POC5: variants seen among roughly 807,000 people sequenced by gnomAD.
POC5 encodes POC5 centriolar protein.
In POC5, 48 loss-of-function variants were observed where a neutral mutation model predicts 62.9. The ratio of observed to expected loss-of-function variants is 0.76; its 90% CI spans 0.61 to 0.97. The LOEUF is 0.97. POC5 is among the 50% of genes least tolerant of loss of function. The pLI is 0.00. For missense variants in POC5, 696 were observed against 679.5 expected (o/e 1.02, Z -0.27); for synonymous variants, 236 against 228.2 (o/e 1.03, Z -0.31).
chr5:75,707,475 A>G (rs778066888), intron 3 of POC5: 3 of 307,460 alleles, frequency 9.8e-6, no homozygotes, highest in African/African-American at 2.1e-5. Flanking sequence ...CCAAAAAGCC[A>G]TGCAGTTGCC....
intron 5 of POC5, among the ~76,000 whole-genome samples, chr5:75,697,459 C>T (rs1157400554): frequency 6.6e-6 from 1 of 151,952 alleles, no homozygotes; most frequent in South Asian, 2.1e-4. Context: ...CCAAACTAAG[C>T]TTCATAAGTG....
chr5:75,681,235 G>A (rs1379262406), intron 10 of POC5, among the ~76,000 whole-genome samples: 1 of 152,116 alleles, frequency 6.6e-6, no homozygotes, highest in Non-Finnish European at 1.5e-5. Flanking sequence ...CCTTAGGCAA[G>A]TTGCATACTC....
chr5:75,713,032 G>A lies in POC5; in HGVS notation c.-14-81C>T, dbSNP rs1236895442. On this transcript the variant is annotated intron_variant, in intron 1 of 11. Coordinates refer to ENST00000428202, the MANE Select transcript of POC5 (RefSeq NM_001099271.2). ...TTTCCAGATATATATAAGTGCAACA[G>A]TATCCAAATCTGCAATCTTCCTGTG... 17 of 980,324 alleles carry A rather than the reference G, an allele frequency of 1.7e-5. No individual in the cohort carries two copies. The Admixed American group carries it at 3.3e-4, about 19-fold the overall frequency. 60.7% of individuals were successfully genotyped at this position (980,324 alleles called of 1,614,324 possible).
intron 5 of POC5, among the ~76,000 whole-genome samples, chr5:75,699,966 T>C (rs1412715541): frequency 2.5e-4 from 38 of 152,108 alleles, no homozygotes; most frequent in African/African-American, 3.4e-4. Flanking sequence ...CTCCCATTCA[T>C]AATTGCTTCA....
chr5:75,716,174 G>C (rs1455184960), intron 1 of POC5, among the ~76,000 whole-genome samples: 1 of 152,128 alleles, frequency 6.6e-6, no homozygotes, highest in Non-Finnish European at 1.5e-5. Flanking sequence ...TTTCCAGTGA[G>C]TATCACTGTG....
At chr5:75,681,836 T>C (rs253390) in intron 10 of POC5, among the ~76,000 whole-genome samples, 107,232 of 151,970 alleles carry the variant, frequency 0.71, 37,976 homozygotes, top group East Asian at 0.87. Context: ...CAAGCCAGGA[T>C]TGCAAATCTC....
chr5:75,699,728 C>A (rs1323414947), intron 5 of POC5, among the ~76,000 whole-genome samples: 9 of 145,942 alleles, frequency 6.2e-5, no homozygotes, highest in South Asian at 2.4e-4. Context: ...GGCAATCAGG[C>A]AGGAGAAGGA....
chr5:75,699,174 T>C (rs1393597488), intron 5 of POC5, among the ~76,000 whole-genome samples: 4 of 152,160 alleles, frequency 2.6e-5, no homozygotes, highest in Non-Finnish European at 5.9e-5. Flanking sequence ...TCTGAAACTA[T>C]TCCAATCAAT....
At chr5:75,705,103 C>T (rs112724788) in intron 4 of POC5, 4,757 of 152,170 alleles carry the variant, frequency 0.031, 109 homozygotes, top group African/African-American at 0.054. Context: ...GGGGAGGGGG[C>T]GCTGAGGCAG....
intron 10 of POC5, among the ~76,000 whole-genome samples, chr5:75,682,349 C>T (rs948225973): frequency 7.9e-5 from 12 of 152,084 alleles, no homozygotes; most frequent in Non-Finnish European, 1.3e-4. Context: ...TCTAGCTCCG[C>T]GTGTGTTAAC....
At position 75,707,861 on chromosome 5, in the gene POC5, T is replaced by C; in HGVS notation, c.99A>G (p.Glu33=). 1 of 1,583,972 alleles carries C rather than the reference T, an allele frequency of 6.3e-7. No individual in the cohort carries two copies. The highest frequency in any genetic ancestry group is 8.6e-7 in the Non-Finnish European group (1 of 1,159,972). ...VSSNLQEEYE[E]LLHYAIVTPN... ...GAGTCACTATAGCATAATGAAGCAG[T>C]TCTTCATATTCTTCCTAAGAGAGGC... is the stretch of plus-strand genomic sequence containing the variant. Residue 33 remains glutamate (E), a synonymous_variant, in exon 3 of 12, where the codon GAA becomes GAG. Coordinates refer to ENST00000428202, the MANE Select transcript of POC5 (RefSeq NM_001099271.2).
At chr5:75,709,355 T>C (rs970713562) in intron 2 of POC5, 1 of 152,210 alleles carries the variant, frequency 6.6e-6, no homozygotes, top group Non-Finnish European at 1.5e-5. Flanking sequence ...GTTTTAAACT[T>C]ACATTTCCTA....
rs1561466913 is a variant in POC5 at position 75,689,145 on chromosome 5, A to C, written c.996T>G (p.Asn332Lys). Reference protein sequence around the residue: ...KVAMLSGALENAKAEIQRMQH... With the variant: ...KVAMLSGALEKAKAEIQRMQH... The stretch of plus-strand genomic sequence containing the variant: ...GCATTCTTTGAATCTCAGCTTTTGC[A>C]TTTTCCAAAGCTCCAGATAACTAAA... Residue 332 changes from asparagine to lysine, a missense_variant, in exon 9 of 12, where the codon AAT (asparagine) becomes AAG (lysine). Physicochemically the swap from Asn to Lys is moderately conservative, Grantham distance 94. Coordinates refer to ENST00000428202, the MANE Select transcript of POC5 (RefSeq NM_001099271.2). The C allele has an allele frequency of 1.3e-6, 2 of 1,559,578 alleles. No homozygotes were observed. Among genetic ancestry groups the C allele is most frequent in the Non-Finnish European group, 1.7e-6 (2 of 1,152,220 alleles).
At chr5:75,675,108 C>T (rs985137245) in intron 11 of POC5, among the ~76,000 whole-genome samples, 18 of 152,206 alleles carry the variant, frequency 1.2e-4, no homozygotes, top group African/African-American at 4.3e-4. Flanking sequence ...CAGACTAAAA[C>T]TTTTATGCAC....
intron 9 of POC5, among the ~76,000 whole-genome samples, chr5:75,688,649 A>G (rs1239067295): frequency 6.6e-6 from 1 of 152,254 alleles, no homozygotes; most frequent in East Asian, 1.9e-4. Flanking sequence ...AAAATAGTCC[A>G]AAATATTTGG....
At chr5:75,713,821 T>C (rs574483613) in intron 1 of POC5, among the ~76,000 whole-genome samples, 1 of 152,238 alleles carries the variant, frequency 6.6e-6, no homozygotes, top group Non-Finnish European at 1.5e-5. Context: ...GGTGTAGATA[T>C]TCTAGGCAGT....
At chr5:75,680,351 T>C (rs766034936) in intron 10 of POC5, among the ~76,000 whole-genome samples, 3 of 151,992 alleles carry the variant, frequency 2.0e-5, no homozygotes, top group Admixed American at 6.6e-5. Context: ...AAAATTAGAG[T>C]AGCAGGAAAA....
chr5:75,678,410 A>T (rs1203497365), intron 10 of POC5, among the ~76,000 whole-genome samples: 1 of 152,134 alleles, frequency 6.6e-6, no homozygotes, highest in African/African-American at 2.4e-5. Flanking sequence ...CAAGATACAG[A>T]ATACTCATCA....
chr5:75,697,834 A>G (rs974581706), intron 5 of POC5, among the ~76,000 whole-genome samples: 53 of 150,058 alleles, frequency 3.5e-4, no homozygotes, highest in African/African-American at 1.2e-3. Flanking sequence ...TCTCACGGGC[A>G]GAGACACACA....
Sources: allele counts gnomAD v4.1 joint callset (sites outside exome capture counted in the v4.1 genomes callset), GRCh38; gene constraint gnomAD v4.1.1; transcripts MANE v1.5; gene names NCBI Gene and HGNC (gene_info 2026-07-23, HGNC 2026-07-21).